Variants in CAMTA1 observed in about 807,000 individuals in gnomAD.
CAMTA1 encodes the protein calmodulin-binding transcription activator 1.
A neutral mutation model predicts 170.9 loss-of-function variants in CAMTA1; 27 were observed. The observed-to-expected ratio is 0.16, with a 90% CI of 0.12 to 0.22. The LOEUF (loss-of-function observed/expected upper bound fraction) is 0.22, where lower values mean the gene tolerates loss of function less well. CAMTA1 is among the 10% of genes least tolerant of loss of function. CAMTA1 has a pLI of 1.00. For missense variants in CAMTA1, 1,619 were observed against 2,217.2 expected, an observed-to-expected ratio of 0.73 and a Z score of 5.42; for synonymous variants, 833 against 891.5, an observed-to-expected ratio of 0.93 and a Z score of 1.17.
rs556629198 is a variant in CAMTA1 at position 7,530,452 on chromosome 1, G to A, written c.510+62551G>A. 2.6e-5 allele frequency among the ~76,000 whole-genome samples: 4 copies of A among 152,256 alleles called. No homozygotes were observed. In the East Asian group the frequency reaches 7.7e-4, roughly 29 times the overall value. Reference sequence around the variant, plus strand: ...CAGCTGGGGACATGCATTTGTTTCGGTGATTTATGGAAATCAAGCCACTCC... The same window carrying A: ...CAGCTGGGGACATGCATTTGTTTCGATGATTTATGGAAATCAAGCCACTCC... On this transcript the variant is annotated intron_variant, in intron 6 of 22. Coordinates refer to ENST00000303635, the MANE Select transcript of CAMTA1 (RefSeq NM_015215.4).
rs561273424 is a variant in CAMTA1 at position 7,096,889 on chromosome 1, T to A, written c.302+5518T>A. Among the ~76,000 whole-genome samples the A allele has an allele frequency of 2.6e-5, 4 of 152,308 alleles. No homozygotes were observed. The South Asian group carries it at 8.3e-4, about 32-fold the overall frequency. On this transcript the variant is annotated intron_variant, in intron 4 of 22. Coordinates refer to ENST00000303635, the MANE Select transcript of CAMTA1 (RefSeq NM_015215.4). Reference sequence around the variant, plus strand: ...GGAGCTGAGGTTGACTCTCCAGTGATGTCGTTAAGGCCATTCTTCTGTCTC... The same window carrying A: ...GGAGCTGAGGTTGACTCTCCAGTGAAGTCGTTAAGGCCATTCTTCTGTCTC...
intron 11 of CAMTA1, among the ~76,000 whole-genome samples, chr1:7,727,196 C>T (rs1558231167): frequency 1.3e-5 from 2 of 149,234 alleles, no homozygotes; most frequent in Admixed American, 6.7e-5. Context: ...GATCTCGGCT[C>T]ACTGCAAGCT....
chr1:7,318,316 G>A (rs969801192), intron 5 of CAMTA1, among the ~76,000 whole-genome samples: 1 of 152,204 alleles, frequency 6.6e-6, no homozygotes, highest in Admixed American at 6.5e-5. Context: ...GGGGTATGGT[G>A]GACTTGGTCA....
chr1:7,576,293 A>AACC (rs2095192310), intron 6 of CAMTA1, among the ~76,000 whole-genome samples: 6 of 152,166 alleles, frequency 3.9e-5, no homozygotes, highest in Admixed American at 3.9e-4. Context: ...TACAGGCGTG[A>AACC]ACCACCGTGC....
At chr1:6,785,908 C>G (rs1186390094) in intron 1 of CAMTA1, among the ~76,000 whole-genome samples, 1 of 149,198 alleles carries the variant, frequency 6.7e-6, no homozygotes, top group Non-Finnish European at 1.5e-5. Flanking sequence ...CCCACCCGGA[C>G]CGGGCATCCC....
chr1:7,350,441 G>A (rs1170959281), intron 5 of CAMTA1, among the ~76,000 whole-genome samples: 1 of 152,150 alleles, frequency 6.6e-6, no homozygotes, highest in Non-Finnish European at 1.5e-5. Context: ...CTTTTATTTT[G>A]TTAATCTTAC....
chr1:7,460,406 G>A (rs964205416), intron 5 of CAMTA1, among the ~76,000 whole-genome samples: 7 of 152,154 alleles, frequency 4.6e-5, no homozygotes, highest in African/African-American at 1.7e-4. Flanking sequence ...GTGTTTGCCC[G>A]GCATGTACAC....
At chr1:6,913,679 C>T (rs1680181765) in intron 3 of CAMTA1, among the ~76,000 whole-genome samples, 1 of 151,948 alleles carries the variant, frequency 6.6e-6, no homozygotes, top group South Asian at 2.1e-4. Context: ...CTGTGCCAGG[C>T]CCTGTGCTCA....
chr1:7,003,852 G>A (rs1044969193), intron 3 of CAMTA1, among the ~76,000 whole-genome samples: 6 of 152,206 alleles, frequency 3.9e-5, no homozygotes, highest in Admixed American at 1.3e-4. Context: ...GAGGTAATAG[G>A]AGTTGTGAGA....
At chr1:6,990,791 C>CTG (rs1219771510) in intron 3 of CAMTA1, among the ~76,000 whole-genome samples, 1 of 124,066 alleles carries the variant, frequency 8.1e-6, no homozygotes, top group African/African-American at 3.5e-5. Flanking sequence ...CTCTGTCTCT[C>CTG]TCTCTCTCTC....
chr1:7,760,314 G>T (rs2096965112), intron 22 of CAMTA1, among the ~76,000 whole-genome samples: 1 of 152,196 alleles, frequency 6.6e-6, no homozygotes, highest in African/African-American at 2.4e-5. Flanking sequence ...GGTCATAGCT[G>T]CACTGGGTCA....
At chr1:6,848,911 A>G (rs1435189876) in intron 3 of CAMTA1, among the ~76,000 whole-genome samples, 2 of 152,218 alleles carry the variant, frequency 1.3e-5, no homozygotes, top group Admixed American at 1.3e-4. Flanking sequence ...TGGAAAGATA[A>G]ATGGGCTCAT....
intron 7 of CAMTA1, among the ~76,000 whole-genome samples, chr1:7,655,084 CCACCTATACACACACACCTAT>C (rs2095878529): frequency 3.4e-5 from 2 of 58,474 alleles, no homozygotes; most frequent in Non-Finnish European, 6.6e-5. Context: ...ACACACACAC[CCACCTATACACACACACCTAT>C]ACACACACCT....
At chr1:7,563,887 A>C (rs980667708) in intron 6 of CAMTA1, among the ~76,000 whole-genome samples, 1 of 152,300 alleles carries the variant, frequency 6.6e-6, no homozygotes, top group South Asian at 2.1e-4. Context: ...ACATAAGAAC[A>C]GGAGAGCTAA....
At chr1:7,589,181 G>C (rs2095335631) in intron 6 of CAMTA1, among the ~76,000 whole-genome samples, 1 of 152,184 alleles carries the variant, frequency 6.6e-6, no homozygotes, top group South Asian at 2.1e-4. Context: ...AGGGTGTTGT[G>C]GTCCCTCCCC....
intron 6 of CAMTA1, among the ~76,000 whole-genome samples, chr1:7,618,718 T>C (rs2095576877): frequency 6.6e-6 from 1 of 152,198 alleles, no homozygotes; most frequent in African/African-American, 2.4e-5. Flanking sequence ...CATGAAAACC[T>C]TGTGGCTTAG....
chr1:7,625,376 GT>G (rs1227254695), intron 6 of CAMTA1, among the ~76,000 whole-genome samples: 1 of 152,266 alleles, frequency 6.6e-6, no homozygotes, highest in Non-Finnish European at 1.5e-5. Context: ...TGGCCATGGA[GT>G]CACAGTGGCA....
intron 6 of CAMTA1, among the ~76,000 whole-genome samples, chr1:7,504,544 G>A (rs994835148): frequency 6.6e-6 from 1 of 152,250 alleles, no homozygotes; most frequent in Non-Finnish European, 1.5e-5. Flanking sequence ...TCTGCCAACT[G>A]ACTCCAAGAT....
chr1:7,276,598 C>T (rs973049847), intron 5 of CAMTA1, among the ~76,000 whole-genome samples: 4 of 151,918 alleles, frequency 2.6e-5, no homozygotes, highest in African/African-American at 9.7e-5. Flanking sequence ...TGTGAGTCAC[C>T]GTGCCCAGGC....
Sources: allele counts gnomAD v4.1 joint callset (sites outside exome capture counted in the v4.1 genomes callset), GRCh38; gene constraint gnomAD v4.1.1; transcripts MANE v1.5; gene names NCBI Gene and HGNC (gene_info 2026-07-23, HGNC 2026-07-21).